BLTP3B: variants seen among roughly 807,000 people sequenced by gnomAD.
BLTP3B encodes the protein UHRF1 (ICBP90) binding protein 1-like.
the BLTP3B span, among the ~76,000 whole-genome samples, chr12:100,128,900 A>G: frequency 6.6e-6 from 1 of 152,182 alleles, no homozygotes; most frequent in Non-Finnish European, 1.5e-5. Context: ...TGAATTAACC[A>G]TTTAAGATTT....
chr12:100,101,536 GAAC>G, the BLTP3B span, among the ~76,000 whole-genome samples: 1 of 152,152 alleles, frequency 6.6e-6, no homozygotes, highest in African/African-American at 2.4e-5. Flanking sequence ...CAATTAATGT[GAAC>G]GCAAAAATAA....
chr12:100,086,235 AAAC>A, the BLTP3B span: 1 of 1,290,764 alleles, frequency 7.7e-7, no homozygotes, highest in Non-Finnish European at 1.0e-6. Context: ...TATAATTTGA[AAAC>A]AACATTTATA....
chr12:100,091,140 CCA>C, the BLTP3B span, among the ~76,000 whole-genome samples: 1 of 149,936 alleles, frequency 6.7e-6, no homozygotes, highest in African/African-American at 2.5e-5. Context: ...GATTTTCCTC[CCA>C]AGTAGCTGGG....
At chr12:100,038,476 C>T in the BLTP3B span, among the ~76,000 whole-genome samples, 4,727 of 152,254 alleles carry the variant, frequency 0.031, 242 homozygotes, top group African/African-American at 0.11. Flanking sequence ...GCTGGGATTA[C>T]AAGCATGCGC....
At chr12:100,099,160 T>C in the BLTP3B span, among the ~76,000 whole-genome samples, 1 of 151,324 alleles carries the variant, frequency 6.6e-6, no homozygotes, top group Non-Finnish European at 1.5e-5. Context: ...ACCTGGCTAA[T>C]TTTTTGTATT....
the BLTP3B span, among the ~76,000 whole-genome samples, chr12:100,130,408 G>C: frequency 2.6e-5 from 4 of 152,216 alleles, no homozygotes; most frequent in East Asian, 7.7e-4. Flanking sequence ...CTACCAGACT[G>C]TTTCCAGAAG....
the BLTP3B span, among the ~76,000 whole-genome samples, chr12:100,044,177 A>T: frequency 3.9e-5 from 6 of 151,944 alleles, no homozygotes; most frequent in Non-Finnish European, 8.8e-5. Flanking sequence ...CTTCTCACAG[A>T]CCTAAGCTAT....
the BLTP3B span, chr12:100,084,378 TCACACACACACACACACACACACA>T: frequency 7.1e-5 from 47 of 664,654 alleles, no homozygotes; most frequent in Middle Eastern, 3.2e-4. Flanking sequence ...AATACTATGA[TCACACACACACACACACACACACA>T]CACACACACA....
the BLTP3B span, chr12:100,086,373 G>A: frequency 0.061 from 12,869 of 212,088 alleles, 124 homozygotes; most frequent in Non-Finnish European, 0.076. Flanking sequence ...GAAAAAAAAA[G>A]GGGGGGGGGG....
chr12:100,110,199 C>T, the BLTP3B span, among the ~76,000 whole-genome samples: 2 of 152,132 alleles, frequency 1.3e-5, no homozygotes, highest in African/African-American at 4.8e-5. Context: ...TTCACATGCC[C>T]TACTTGTCAA....
the BLTP3B span, among the ~76,000 whole-genome samples, chr12:100,087,075 C>T: frequency 7.0e-6 from 1 of 142,836 alleles, no homozygotes. Context: ...AGGAGAATCG[C>T]TTGAACCTGG....
chr12:100,125,570 C>T, the BLTP3B span, among the ~76,000 whole-genome samples: 2 of 152,186 alleles, frequency 1.3e-5, no homozygotes, highest in Admixed American at 6.5e-5. Context: ...ATCACTTACG[C>T]CTGGGAGGTC....
At chr12:100,078,801 C>T in the BLTP3B span, among the ~76,000 whole-genome samples, 1 of 152,122 alleles carries the variant, frequency 6.6e-6, no homozygotes. Flanking sequence ...TGTGTCCCCA[C>T]CAAAATCTCA....
chr12:100,076,445 G>GT, the BLTP3B span, among the ~76,000 whole-genome samples: 1 of 144,860 alleles, frequency 6.9e-6, no homozygotes, highest in Non-Finnish European at 1.5e-5. Context: ...CCAGGCTGGA[G>GT]TGCAGTGGCA....
chr12:100,079,754 C>T, the BLTP3B span, among the ~76,000 whole-genome samples: 1 of 152,206 alleles, frequency 6.6e-6, no homozygotes, highest in East Asian at 1.9e-4. Flanking sequence ...GTCTTCACGG[C>T]AGCCCCTCCC....
At chr12:100,086,576 A>T in the BLTP3B span, among the ~76,000 whole-genome samples, 1 of 152,222 alleles carries the variant, frequency 6.6e-6, no homozygotes, top group Non-Finnish European at 1.5e-5. Context: ...TAAGAATATA[A>T]GAATAGCAGA....
At chr12:100,086,683 A>G in the BLTP3B span, among the ~76,000 whole-genome samples, 1 of 152,200 alleles carries the variant, frequency 6.6e-6, no homozygotes, top group African/African-American at 2.4e-5. Flanking sequence ...TACTTTAGGT[A>G]AACTTACTCA....
chr12:100,060,058 T>C, the BLTP3B span: 751 of 1,546,882 alleles, frequency 4.9e-4, 6 homozygotes, highest in African/African-American at 9.2e-3. Flanking sequence ...GGAGACAAGA[T>C]GTTTTTTAAA....
At chr12:100,080,555 T>C in the BLTP3B span, among the ~76,000 whole-genome samples, 2 of 152,352 alleles carry the variant, frequency 1.3e-5, no homozygotes, top group Non-Finnish European at 2.9e-5. Context: ...CGGATTTGCA[T>C]GGGGCCTGTA....
Sources: gnomAD v4.1 joint callset for allele counts (sites outside exome capture counted in the v4.1 genomes callset) on GRCh38, gnomAD v4.1.1 for gene constraint, MANE v1.5 for transcripts, NCBI Gene and HGNC (gene_info 2026-07-23, HGNC 2026-07-21) for gene names.